The following PAPPA2 variants were observed in gnomAD, a reference collection of about 807,000 sequenced individuals.
PAPPA2 encodes the protein pappalysin 2.
Under a neutral mutation model 176.4 loss-of-function variants are expected in PAPPA2, and 86 were observed. The ratio of observed to expected loss-of-function variants is 0.49; its 90% CI spans 0.41 to 0.58. PAPPA2 has a LOEUF of 0.58. Ranked by LOEUF, PAPPA2 falls within the 20% of genes least tolerant of loss-of-function variation. The probability of loss-of-function intolerance (pLI) is 0.00; values close to 1 mark genes in which losing one functional copy is unlikely to be tolerated. For missense variants in PAPPA2, 2,073 were observed against 2,256.9 expected, an observed-to-expected ratio of 0.92 and a Z score of 1.65; for synonymous variants, 809 against 852.2, an observed-to-expected ratio of 0.95 and a Z score of 0.88.
chr1:176,575,520 T>C (rs1259353221), intron 2 of PAPPA2, among the ~76,000 whole-genome samples: 3 of 152,194 alleles, frequency 2.0e-5, no homozygotes, highest in Non-Finnish European at 4.4e-5. Flanking sequence ...TGAACATATC[T>C]GGTTTTCATG....
At chr1:176,616,584 G>C in intron 3 of PAPPA2, 1 of 1,542,420 alleles carries the variant, frequency 6.5e-7, no homozygotes, top group Non-Finnish European at 8.9e-7. Flanking sequence ...ATCACCAAAA[G>C]GCCAATTGAG....
intron 9 of PAPPA2, among the ~76,000 whole-genome samples, chr1:176,704,305 C>G (rs1315994112): frequency 2.0e-5 from 3 of 152,196 alleles, no homozygotes; most frequent in Non-Finnish European, 4.4e-5. Context: ...ACTAGCACTT[C>G]CATCCAATGG....
At chr1:176,817,011 A>G (rs1336248609) in intron 21 of PAPPA2, among the ~76,000 whole-genome samples, 1 of 152,168 alleles carries the variant, frequency 6.6e-6, no homozygotes, top group Non-Finnish European at 1.5e-5. Flanking sequence ...AGGAATATAA[A>G]GGTAATCAAT....
At chr1:176,570,693 G>C (rs1288516974) in intron 2 of PAPPA2, among the ~76,000 whole-genome samples, 1 of 150,200 alleles carries the variant, frequency 6.7e-6, no homozygotes, top group Non-Finnish European at 1.5e-5. Context: ...TGCCATGGCT[G>C]GTCCCTGGCT....
intron 1 of PAPPA2, among the ~76,000 whole-genome samples, chr1:176,518,452 TAAAAAAA>T (rs368157026): frequency 8.2e-6 from 1 of 121,740 alleles, no homozygotes; most frequent in Non-Finnish European, 1.8e-5. Flanking sequence ...GCTTGACAGG[TAAAAAAA>T]AAAAAAAAAA....
chr1:176,718,547 C>T (rs1661473666), intron 12 of PAPPA2, among the ~76,000 whole-genome samples: 1 of 151,874 alleles, frequency 6.6e-6, no homozygotes, highest in South Asian at 2.1e-4. Context: ...TTAAACATGA[C>T]TTTAGCTACA....
rs761101820 is a variant in PAPPA2, at chr1:176,835,639, C to A, written c.5203-4534C>A. Among the ~76,000 whole-genome samples the A allele has an allele frequency of 5.9e-5, 9 of 152,184 alleles. 1 individual carries two copies. The highest frequency in any genetic ancestry group is 9.7e-5 in the African/African-American group (4 of 41,444). ...GGTTCAAGCGATTCTCCTGCCTCAG[C>A]CTCCCAAGTAGCTGGGATTACAGGC... On this transcript the variant is annotated intron_variant, in intron 21 of 22. Transcript: ENST00000367662.
chr1:176,618,762 G>A (rs778563384), intron 3 of PAPPA2, among the ~76,000 whole-genome samples: 2 of 152,206 alleles, frequency 1.3e-5, no homozygotes, highest in African/African-American at 4.8e-5. Context: ...GATTAAAAGA[G>A]TAATGGGATT....
intron 3 of PAPPA2, among the ~76,000 whole-genome samples, chr1:176,604,491 G>T (rs541804016): frequency 6.6e-6 from 1 of 152,250 alleles, no homozygotes; most frequent in South Asian, 2.1e-4. Flanking sequence ...ATCACATCTG[G>T]TCTATCACGT....
At chr1:176,772,424 G>GA (rs1168534611) in intron 17 of PAPPA2, among the ~76,000 whole-genome samples, 1 of 152,192 alleles carries the variant, frequency 6.6e-6, no homozygotes, top group Admixed American at 6.5e-5. Flanking sequence ...TAAAGGGACA[G>GA]AAAAAAATAT....
intron 21 of PAPPA2, among the ~76,000 whole-genome samples, chr1:176,807,081 T>C (rs1179939549): frequency 6.6e-6 from 1 of 152,030 alleles, no homozygotes; most frequent in Non-Finnish European, 1.5e-5. Flanking sequence ...GATATGAGAG[T>C]CAGGACATGA....
intron 3 of PAPPA2, among the ~76,000 whole-genome samples, chr1:176,606,866 C>T (rs917156678): frequency 2.6e-5 from 4 of 151,958 alleles, no homozygotes; most frequent in African/African-American, 9.7e-5. Flanking sequence ...GTTAAGGCCA[C>T]TCTAAAAAGA....
intron 1 of PAPPA2, among the ~76,000 whole-genome samples, chr1:176,506,312 A>C (rs1296284316): frequency 6.6e-6 from 1 of 151,526 alleles, no homozygotes; most frequent in Non-Finnish European, 1.5e-5. Context: ...CTTTTTGCTT[A>C]GTATTGCTTT....
chr1:176,720,354 A>G (rs889998156), intron 12 of PAPPA2, among the ~76,000 whole-genome samples: 12 of 152,244 alleles, frequency 7.9e-5, no homozygotes, highest in African/African-American at 2.9e-4. Context: ...CTTTGTAATC[A>G]TATTTAATAT....
At chr1:176,559,690 T>C (rs553401712) in intron 2 of PAPPA2, among the ~76,000 whole-genome samples, 1 of 152,326 alleles carries the variant, frequency 6.6e-6, no homozygotes, top group South Asian at 2.1e-4. Flanking sequence ...TGGCTGGCCT[T>C]CACCTATGCA....
intron 9 of PAPPA2, among the ~76,000 whole-genome samples, chr1:176,705,408 T>C (rs1255570390): frequency 6.6e-6 from 1 of 152,198 alleles, no homozygotes; most frequent in Non-Finnish European, 1.5e-5. Context: ...TAGTGAGGCA[T>C]ACTTTAAACA....
chr1:176,826,706 C>T (rs867119035), intron 21 of PAPPA2, among the ~76,000 whole-genome samples: 15 of 152,198 alleles, frequency 9.9e-5, no homozygotes, highest in Middle Eastern at 3.2e-3. Context: ...CTCCCTCTTG[C>T]CATTTTTCAG....
chr1:176,586,589 A>G (rs950490898), intron 2 of PAPPA2, among the ~76,000 whole-genome samples: 1 of 152,194 alleles, frequency 6.6e-6, no homozygotes, highest in African/African-American at 2.4e-5. Context: ...GATGACTTCA[A>G]GCTTCATCCA....
At chr1:176,634,615 A>T (rs181164600) in intron 3 of PAPPA2, among the ~76,000 whole-genome samples, 91 of 151,630 alleles carry the variant, frequency 6.0e-4, no homozygotes, top group Middle Eastern at 6.8e-3. Flanking sequence ...TAAAATAAAA[A>T]AAAACACTTG....
Sources: allele counts gnomAD v4.1 joint callset (sites outside exome capture counted in the v4.1 genomes callset), GRCh38; gene constraint gnomAD v4.1.1; transcripts MANE v1.5; gene names NCBI Gene and HGNC (gene_info 2026-07-23, HGNC 2026-07-21).